Variants in SNX31 observed in about 807,000 individuals in gnomAD.
SNX31 encodes the protein sorting nexin 31, also known as sorting nexin-31.
Under a neutral mutation model 65.4 loss-of-function variants are expected in SNX31, and 58 were observed. The observed-to-expected ratio is 0.89, with a 90% CI of 0.72 to 1.10. The LOEUF is 1.10. Ranked by LOEUF, SNX31 falls within the 50% of genes least tolerant of loss-of-function variation. The pLI is 0.00. For synonymous variants in SNX31, 181 were observed against 190.1 expected (o/e 0.95, Z 0.39); for missense variants, 523 against 529.7 (o/e 0.99, Z 0.12).
intron 1 of SNX31, among the ~76,000 whole-genome samples, chr8:100,662,960 T>C (rs1809812306): frequency 6.6e-6 from 1 of 152,152 alleles, no homozygotes; most frequent in African/African-American, 2.4e-5. Context: ...AAAATCGTGC[T>C]CCTTGCAACA....
intron 2 of SNX31, among the ~76,000 whole-genome samples, chr8:100,641,565 A>AAAAAAAAAAAAAT (rs1554587369): frequency 1.2e-4 from 4 of 32,108 alleles, no homozygotes; most frequent in Non-Finnish European, 2.1e-4. Flanking sequence ...AAAAAAAAAA[A>AAAAAAAAAAAAAT]ATATATATAT....
intron 4 of SNX31, chr8:100,618,014 C>T (rs1237017909): frequency 1.1e-5 from 10 of 921,636 alleles, no homozygotes; most frequent in East Asian, 1.2e-4. Flanking sequence ...GATCCACCCT[C>T]CTTGGCCTCC....
intron 10 of SNX31, 69 bp from the exon 11 acceptor site, chr8:100,589,048 C>T: frequency 7.9e-7 from 1 of 1,262,776 alleles, no homozygotes; most frequent in Non-Finnish European, 1.1e-6. Flanking sequence ...CACGGTGGCT[C>T]ACACCTGAAA....
chr8:100,641,943 G>T (rs1206356017), intron 2 of SNX31, among the ~76,000 whole-genome samples: 3 of 151,724 alleles, frequency 2.0e-5, no homozygotes, highest in African/African-American at 7.3e-5. Context: ...GCCGGGCTTG[G>T]TGGCAGGTGC....
intron 1 of SNX31, among the ~76,000 whole-genome samples, chr8:100,658,309 C>T: frequency 1.3e-5 from 2 of 152,300 alleles, no homozygotes; most frequent in South Asian, 4.1e-4. Context: ...GTTAGAATCT[C>T]ATCCAAGCAG....
chr8:100,605,592 G>A (rs959419283), intron 8 of SNX31, among the ~76,000 whole-genome samples: 7 of 152,158 alleles, frequency 4.6e-5, no homozygotes, highest in Non-Finnish European at 5.9e-5. Flanking sequence ...GGGAGATGTC[G>A]TGGTTCAGAA....
chr8:100,578,510 G>A lies in SNX31; in HGVS notation c.1171-1435C>T, dbSNP rs1254876015. On this transcript the variant is annotated intron_variant, in intron 12 of 13. Coordinates refer to ENST00000311812, the MANE Select transcript of SNX31 (RefSeq NM_152628.4). This position sits in a 1 kb window ranked among gnomAD's most constrained non-coding sequence, Gnocchi z 4.7. ...GCTTACTTCTCATGAGAATATAGAC[G>A]GAGACATTTAAAAATAAGTGGGCTA... 1.3e-5 allele frequency among the ~76,000 whole-genome samples: 2 copies of A among 151,876 alleles called. No individual in the cohort carries two copies. The highest frequency in any genetic ancestry group is 4.8e-5 in the African/African-American group (2 of 41,330).
intron 2 of SNX31, among the ~76,000 whole-genome samples, chr8:100,638,926 T>G (rs1204701692): frequency 6.6e-6 from 1 of 152,202 alleles, no homozygotes; most frequent in Non-Finnish European, 1.5e-5. Flanking sequence ...AAATAAATAT[T>G]GCTAAGCGAC....
At chr8:100,598,254 G>A (rs905322213) in intron 9 of SNX31, among the ~76,000 whole-genome samples, 1 of 152,174 alleles carries the variant, frequency 6.6e-6, no homozygotes. Flanking sequence ...CCTTCAGTTG[G>A]GTCAGTGAGA....
rs1197838674 is a variant in SNX31, at chr8:100,576,048, T to G, written c.1227+971A>C. Among the ~76,000 whole-genome samples the G allele has an allele frequency of 6.6e-6, 1 of 152,218 alleles. No individual in the cohort carries two copies. The highest frequency in any genetic ancestry group is 1.5e-5 in the Non-Finnish European group (1 of 68,034). On this transcript the variant is annotated intron_variant, in intron 13 of 13. Transcript: ENST00000311812. This position sits in a 1 kb window ranked among gnomAD's most constrained non-coding sequence, Gnocchi z 4.8. Reference sequence around the variant, plus strand: ...CAGAGTCCCTAATGAAGTTAGGTTTTGGATCTGCCTAATGACACATAGCCA... The same window carrying G: ...CAGAGTCCCTAATGAAGTTAGGTTTGGGATCTGCCTAATGACACATAGCCA...
At chr8:100,606,485 C>A (rs1245352513) in intron 8 of SNX31, among the ~76,000 whole-genome samples, 1 of 152,180 alleles carries the variant, frequency 6.6e-6, no homozygotes, top group Non-Finnish European at 1.5e-5. Context: ...GGGTCTTGAT[C>A]TCTAAAAGTC....
In SNX31 at chr8:100,614,778, C is replaced by A. The variant is rs1817027012; in HGVS notation, c.433-1693G>T. On this transcript the variant is annotated intron_variant, in intron 5 of 13. Coordinates refer to ENST00000311812, the MANE Select transcript of SNX31 (RefSeq NM_152628.4). The surrounding 1 kb of genome is among the most constrained non-coding windows in gnomAD (Gnocchi z 5.1). Reference sequence around the variant, plus strand: ...GCTTGTAATCCCAGCTACTCAGGAGCTGAGGAAGGAGAATCGCTTGAACCT... The same window carrying A: ...GCTTGTAATCCCAGCTACTCAGGAGATGAGGAAGGAGAATCGCTTGAACCT... Among the ~76,000 whole-genome samples, 1 of 152,102 alleles carries A rather than the reference C, an allele frequency of 6.6e-6. No homozygotes were observed. Among genetic ancestry groups the A allele is most frequent in the South Asian group, 2.1e-4 (1 of 4,830 alleles).
intron 9 of SNX31, among the ~76,000 whole-genome samples, chr8:100,600,056 A>G (rs1483968226): frequency 3.3e-5 from 5 of 152,222 alleles, no homozygotes; most frequent in Admixed American, 3.3e-4. Context: ...CCAAACGATA[A>G]TATAACCATA....
At chr8:100,597,549 G>C (rs994662750) in intron 9 of SNX31, among the ~76,000 whole-genome samples, 11 of 152,118 alleles carry the variant, frequency 7.2e-5, no homozygotes, top group African/African-American at 1.9e-4. Context: ...GGCCTAAAAT[G>C]TTGGCTTTTA....
At chr8:100,628,091 CAG>C (rs907277087) in intron 4 of SNX31, among the ~76,000 whole-genome samples, 40 of 152,266 alleles carry the variant, frequency 2.6e-4, no homozygotes, top group African/African-American at 9.4e-4. Flanking sequence ...CAGGAAACAA[CAG>C]GTGCTGGAGG....
Position 100,612,123 on chromosome 8 carries a change from A to G in SNX31, c.524-36T>C, listed in dbSNP as rs371606155. The G allele has an allele frequency of 3.0e-6, 4 of 1,331,378 alleles. No homozygotes were observed. The highest frequency in any genetic ancestry group is 4.3e-6 in the Non-Finnish European group (4 of 924,902). 82.5% of individuals were successfully genotyped at this position (1,331,378 alleles called of 1,614,324 possible). A position where few individuals can be genotyped will look rare whatever the true frequency, so the allele number is the denominator to read the frequency against. ...GAGAAAGCCGGTCTTACTGGTTGAA[A>G]CAGCACAGACAGCTTATATATAGCA... On this transcript the variant is annotated intron_variant, in intron 6 of 13. Coordinates refer to ENST00000311812, the MANE Select transcript of SNX31 (RefSeq NM_152628.4). The surrounding 1 kb of genome is among the most constrained non-coding windows in gnomAD (Gnocchi z 4.3).
chr8:100,575,255 C>T lies in SNX31; in HGVS notation c.1228-1295G>A, dbSNP rs1384160277. 6.6e-6 allele frequency among the ~76,000 whole-genome samples: 1 copy of T among 152,188 alleles called. No homozygotes were observed. The highest frequency in any genetic ancestry group is 6.5e-5 in the Admixed American group (1 of 15,288). ...TATTAACTGACTGTGTGACCTTGAG[C>T]AAGTGACTTAACCTTTCTGTGTTTC... is the stretch of plus-strand genomic sequence containing the variant. On this transcript the variant is annotated intron_variant, in intron 13 of 13. Coordinates refer to ENST00000311812, the MANE Select transcript of SNX31 (RefSeq NM_152628.4). This position sits in a 1 kb window ranked among gnomAD's most constrained non-coding sequence, Gnocchi z 5.1.
At chr8:100,624,001 G>T (rs141854363) in intron 4 of SNX31, among the ~76,000 whole-genome samples, 74 of 152,052 alleles carry the variant, frequency 4.9e-4, no homozygotes, top group African/African-American at 1.5e-3. Context: ...ACTCCAGTTG[G>T]GGGGGAGGTG....
rs111290914 is a variant in SNX31 at position 100,660,581 on chromosome 8, T to A, written c.-58+2561A>T. ...GGGGCTCTAACTCAAGTGGCAGGCG[T>A]CCCTGACCTGACAGAAGAAGGTTCT... On this transcript the variant is annotated intron_variant, in intron 1 of 5. Coordinates refer to the SNX31 transcript ENST00000520352. This position sits in a 1 kb window ranked among gnomAD's most constrained non-coding sequence, Gnocchi z 4.1. Among the ~76,000 whole-genome samples, 13,555 of 152,152 alleles carry A rather than the reference T, an allele frequency of 0.089. 721 individuals are homozygous for A. The highest frequency in any genetic ancestry group is 0.18 in the South Asian group (871 of 4,816).
Sources: allele counts gnomAD v4.1 joint callset (sites outside exome capture counted in the v4.1 genomes callset), GRCh38; gene constraint gnomAD v4.1.1; non-coding constraint Gnocchi (gnomAD v3.1); transcripts MANE v1.5; gene names NCBI Gene and HGNC (gene_info 2026-07-23, HGNC 2026-07-21).